Variants in DPYS observed in about 807,000 individuals in gnomAD.
DPYS encodes the protein dihydropyrimidine amidohydrolase.
A neutral mutation model predicts 50.3 loss-of-function variants in DPYS; 39 were observed. The observed-to-expected ratio is 0.78, with a 90% CI of 0.60 to 1.01. DPYS has a LOEUF of 1.01. DPYS is among the 50% of genes least tolerant of loss of function. The pLI, the probability that DPYS is intolerant of heterozygous loss-of-function variation, is 0.00. For missense variants in DPYS, 659 were observed against 680.9 expected (o/e 0.97, Z 0.36); for synonymous variants, 245 against 250.7 (o/e 0.98, Z 0.22).
chr8:104,431,893 T>C (rs563697304), intron 4 of DPYS, among the ~76,000 whole-genome samples: 2 of 152,322 alleles, frequency 1.3e-5, no homozygotes, highest in Admixed American at 1.3e-4. Flanking sequence ...AAAAGTGCCA[T>C]TTTTTATTAC....
chr8:104,460,430 C>A (rs1275738059), intron 1 of DPYS, among the ~76,000 whole-genome samples: 1 of 152,196 alleles, frequency 6.6e-6, no homozygotes, highest in East Asian at 1.9e-4. Flanking sequence ...CACCTTCTAA[C>A]ATGATTGTAA....
At chr8:104,391,480 G>A (rs1811386684) in intron 8 of DPYS, among the ~76,000 whole-genome samples, 1 of 152,188 alleles carries the variant, frequency 6.6e-6, no homozygotes, top group Admixed American at 6.5e-5. Flanking sequence ...TGGGATTGAG[G>A]ACACAGGGTT....
intron 1 of DPYS, among the ~76,000 whole-genome samples, chr8:104,464,634 G>T (rs1284160073): frequency 6.6e-6 from 1 of 152,202 alleles, no homozygotes; most frequent in Non-Finnish European, 1.5e-5. Flanking sequence ...AAAACTGCAA[G>T]TTCTGACATT....
Position 104,447,411 on chromosome 8 carries a change from G to T in DPYS, c.516C>A (p.Asp172Glu), listed in dbSNP as rs1813573365. ...MAYKDLYMVT[D>E]LELYEAFSRC... is the part of the protein sequence containing the mutation. Reference sequence around the variant, plus strand: ...GAGAGAAGGCTTCGTACAGCTCCAGGTCTGTCACCATGTACAGATCTTTAT... The same window carrying T: ...GAGAGAAGGCTTCGTACAGCTCCAGTTCTGTCACCATGTACAGATCTTTAT... The change falls in exon 3 of 10, where the codon GAC (aspartate) becomes GAA (glutamate). Residue 172 changes from aspartate (D) to glutamate (E), a missense_variant. Physicochemically the swap from Asp to Glu is conservative, Grantham distance 45 (BLOSUM62 2). Transcript: ENST00000351513. 1.2e-6 allele frequency: 2 copies of T among 1,613,836 alleles called. No individual in the cohort carries two copies. The highest frequency in any genetic ancestry group is 8.5e-7 in the Non-Finnish European group (1 of 1,179,976).
chr8:104,447,205 T>C, intron 3 of DPYS, 119 bp downstream of exon 3: 1 of 1,301,096 alleles, frequency 7.7e-7, no homozygotes, highest in Admixed American at 2.0e-5. Context: ...GGAAAATCCA[T>C]TTCTGGATTT....
At chr8:104,429,789 C>T (rs1812891000) in intron 4 of DPYS, 88 bp from the exon 5 acceptor site, 1 of 1,525,364 alleles carries the variant, frequency 6.6e-7, no homozygotes, top group Non-Finnish European at 9.0e-7. Flanking sequence ...TCTTTTCTCC[C>T]CTAGCAGAGG....
At chr8:104,401,044 C>T (rs1444976353) in intron 7 of DPYS, among the ~76,000 whole-genome samples, 2 of 152,120 alleles carry the variant, frequency 1.3e-5, no homozygotes, top group African/African-American at 4.8e-5. Flanking sequence ...GTGGGTCTCC[C>T]CAACCCCAGA....
At chr8:104,416,192 A>G (rs913867775) in intron 7 of DPYS, among the ~76,000 whole-genome samples, 3 of 152,166 alleles carry the variant, frequency 2.0e-5, no homozygotes, top group Non-Finnish European at 4.4e-5. Context: ...CTCCCCCCCA[A>G]TAGCCCAGAT....
intron 7 of DPYS, among the ~76,000 whole-genome samples, chr8:104,397,083 A>G (rs1458246019): frequency 6.6e-6 from 1 of 152,098 alleles, no homozygotes; most frequent in Non-Finnish European, 1.5e-5. Flanking sequence ...GTAATTCTCC[A>G]ATCTTAGGAG....
chr8:104,406,327 C>A (rs1253096886), intron 7 of DPYS, among the ~76,000 whole-genome samples: 1 of 152,188 alleles, frequency 6.6e-6, no homozygotes, highest in East Asian at 1.9e-4. Flanking sequence ...GTTACCTGCA[C>A]TGATGATGGC....
chr8:104,410,015 A>T (rs576926789), intron 7 of DPYS, among the ~76,000 whole-genome samples: 1 of 152,242 alleles, frequency 6.6e-6, no homozygotes, highest in South Asian at 2.1e-4. Flanking sequence ...GTCTAATTAG[A>T]TCCTAAGTTC....
At chr8:104,430,364 A>AC (rs1195098087) in intron 4 of DPYS, among the ~76,000 whole-genome samples, 2 of 78,626 alleles carry the variant, frequency 2.5e-5, no homozygotes, top group African/African-American at 1.1e-4. Context: ...TGAGGCCATC[A>AC]AAAAAAAAAG....
At position 104,466,815 on chromosome 8, in the gene DPYS, C is replaced by G. The variant is rs1274477440; in HGVS notation, c.106G>C (p.Gly36Arg). The G allele has an allele frequency of 2.6e-6, 4 of 1,533,822 alleles. No homozygotes were observed. The highest frequency in any genetic ancestry group is 2.5e-5 in the East Asian group (1 of 40,732). ...CCCCCGGGAGGCAGCAGGTCGTGCCCGAGTGCCCGCACCACGCCGTCCTCC... is the reference window on the plus strand; with the variant it reads ...CCCCCGGGAGGCAGCAGGTCGTGCCGGAGTGCCCGCACCACGCCGTCCTCC... Reference protein sequence around the residue: ...LVEDGVVRALGHDLLPPGGAP... With the variant: ...LVEDGVVRALRHDLLPPGGAP... Residue 36 changes from glycine (G) to arginine (R), a missense_variant, in exon 1 of 10, where the codon GGG (glycine) becomes CGG (arginine). Transcript: ENST00000351513.
chr8:104,409,415 G>T (rs984538187), intron 7 of DPYS, among the ~76,000 whole-genome samples: 5 of 151,918 alleles, frequency 3.3e-5, no homozygotes, highest in African/African-American at 1.2e-4. Context: ...AACTAGGGAG[G>T]CAGAGATTGC....
intron 4 of DPYS, among the ~76,000 whole-genome samples, chr8:104,439,998 A>G (rs1035565149): frequency 3.3e-5 from 5 of 152,208 alleles, no homozygotes; most frequent in African/African-American, 1.2e-4. Context: ...CCTCAATTTC[A>G]TCAGTCACAA....
rs373819650 is a variant in DPYS, at chr8:104,427,983, G to T, written c.1089C>A (p.Gly363=). 26 of 1,613,986 alleles carry T rather than the reference G, an allele frequency of 1.6e-5. No homozygotes were observed. The highest frequency in any genetic ancestry group is 2.1e-5 in the Non-Finnish European group (25 of 1,180,030). Residue 363 remains glycine, a synonymous_variant, in exon 6 of 10, where the codon GGC becomes GGA. Coordinates refer to ENST00000351513, the MANE Select transcript of DPYS (RefSeq NM_001385.3). ...EDRMSVIWEK[G]VHSGKMDENR... ...GGCTGGAACCTGTGAAACCCACCACGCCTTTTTCCCATATTACGGACATCC... is the reference window on the plus strand; with the variant it reads ...GGCTGGAACCTGTGAAACCCACCACTCCTTTTTCCCATATTACGGACATCC...
Position 104,450,153 on chromosome 8 carries a change from GGGAGGA to G in DPYS, c.423+1087_423+1092del, listed in dbSNP as rs1194865560. Among the ~76,000 whole-genome samples the G allele has an allele frequency of 3.0e-3, 294 of 98,848 alleles. 1 individual carries two copies. Among genetic ancestry groups the G allele is most frequent in the Non-Finnish European group, 5.4e-3 (212 of 39,172 alleles). 64.8% of individuals were successfully genotyped at this position (98,848 alleles called of 152,430 possible). A position where few individuals can be genotyped will look rare whatever the true frequency, so the allele number is the denominator to read the frequency against. ...GGAAGAGAAGAAAAGAAAGAAGGAA[GGGAGGA>G]AGGGAGGGAGGGAGGGAAAAGAAGA... On this transcript the variant is annotated intron_variant, in intron 2 of 9. Transcript: ENST00000351513.
chr8:104,415,344 A>G (rs1245549659), intron 7 of DPYS, among the ~76,000 whole-genome samples: 1 of 152,256 alleles, frequency 6.6e-6, no homozygotes, highest in Non-Finnish European at 1.5e-5. Context: ...ACTCTGGCCA[A>G]GCCAAATGAT....
chr8:104,450,700 A>G (rs1813708275), intron 2 of DPYS, among the ~76,000 whole-genome samples: 1 of 152,202 alleles, frequency 6.6e-6, no homozygotes, highest in South Asian at 2.1e-4. Context: ...CAGAGTAGGA[A>G]GATCACTCGG....
Sources: allele counts gnomAD v4.1 joint callset (sites outside exome capture counted in the v4.1 genomes callset), GRCh38; gene constraint gnomAD v4.1.1; transcripts MANE v1.5; gene names NCBI Gene and HGNC (gene_info 2026-07-23, HGNC 2026-07-21).